Variants in NDUFA6 observed in about 807,000 individuals in gnomAD.
The protein encoded by NDUFA6 is NADH:ubiquinone oxidoreductase subunit A6, also known as NADH dehydrogenase [ubiquinone] 1 alpha subcomplex subunit 6.
A neutral mutation model predicts 12.5 loss-of-function variants in NDUFA6; 10 were observed. That is an observed-to-expected ratio of 0.80 (90% CI 0.49 to 1.35). The LOEUF (loss-of-function observed/expected upper bound fraction) is 1.35. Among genes scored for constraint, NDUFA6 ranks in the 40% most tolerant of loss-of-function variants. The pLI is 0.00. For missense variants in NDUFA6, 177 were observed against 173.5 expected (o/e 1.02, Z -0.11); for synonymous variants, 66 against 63.0 (o/e 1.05, Z -0.23).
At chr22:42,089,497 T>C (rs1000095851) in intron 1 of NDUFA6, 4 of 152,104 alleles carry the variant, frequency 2.6e-5, no homozygotes, top group Admixed American at 6.6e-5. Flanking sequence ...TAGCAATTTT[T>C]CCAAAAGTCA....
intron 1 of NDUFA6, among the ~76,000 whole-genome samples, chr22:42,088,902 G>A (rs1002778237): frequency 1.3e-5 from 2 of 151,836 alleles, no homozygotes; most frequent in Non-Finnish European, 2.9e-5. Context: ...CATAAAACCC[G>A]TGTGGCACAG....
intron 2 of NDUFA6, 112 bp from the exon 3 acceptor site, chr22:42,086,426 G>A: frequency 4.3e-6 from 6 of 1,405,586 alleles, no homozygotes; most frequent in Non-Finnish European, 6.0e-6. Flanking sequence ...ATGACCTTGG[G>A]CAAGTAACTA....
At chr22:42,087,262 C>A in intron 1 of NDUFA6, 87 bp from the exon 2 acceptor site, 1 of 1,036,050 alleles carries the variant, frequency 9.7e-7, no homozygotes, top group South Asian at 1.3e-5. Context: ...ACATACAGGT[C>A]GCCCATTCAT....
In NDUFA6 at chr22:42,086,312, T is replaced by A. The variant is rs1446002484; in HGVS notation, c.258A>T (p.Gly86=). 3 of 1,614,220 alleles carry A rather than the reference T, an allele frequency of 1.9e-6. No individual in the cohort carries two copies. Among genetic ancestry groups the A allele is most frequent in the Non-Finnish European group, 2.5e-6 (3 of 1,180,028 alleles). The change falls in exon 3 of 3, where the codon GGA becomes GGT. Residue 86 remains glycine, a splice_region_variant and synonymous_variant. Coordinates refer to ENST00000498737, the MANE Select transcript of NDUFA6 (RefSeq NM_002490.6). ...TAATTGTTTCTTCCAGTTCGATCTT[T>A]CCCTGAACAGTGAGGAGAGAGGTCA... The part of the protein sequence containing the change: ...PRVVDLLVIK[G]KIELEETIKV...
At chr22:42,087,698 A>G (rs1013752825) in intron 1 of NDUFA6, among the ~76,000 whole-genome samples, 1 of 151,894 alleles carries the variant, frequency 6.6e-6, no homozygotes, top group Non-Finnish European at 1.5e-5. Context: ...GCTACTCGGG[A>G]GGCTGAGGCA....
At chr22:42,087,293 C>G in intron 1 of NDUFA6, 118 bp from the exon 2 acceptor site, 1 of 783,826 alleles carries the variant, frequency 1.3e-6, no homozygotes, top group South Asian at 1.4e-5. Flanking sequence ...AAAAATTAGC[C>G]TGACCCTAGG....
Position 42,090,702 on chromosome 22 carries a change from T to C in NDUFA6, c.43A>G (p.Thr15Ala), listed in dbSNP as rs1329143059. Reference sequence around the variant, plus strand: ...CGACTGAAAATGGGCTTCACGAAGGTGCTGGCGGTAGAAGTAGCTTGGCGG... The same window carrying C: ...CGACTGAAAATGGGCTTCACGAAGGCGCTGGCGGTAGAAGTAGCTTGGCGG... ...GVRQATSTASTFVKPIFSRDM... is the reference protein window; with the variant it reads ...GVRQATSTASAFVKPIFSRDM... Residue 15 changes from threonine (T) to alanine (A), a missense_variant, in exon 1 of 3, where the codon ACC becomes GCC. This residue lies in a region of NDUFA6 where 111 missense variants were observed against 87.2 expected (regional missense o/e 1.27). Transcript: ENST00000498737. 2 of 1,614,102 alleles carry C rather than the reference T, an allele frequency of 1.2e-6. No individual in the cohort carries two copies. The highest frequency in any genetic ancestry group is 1.7e-5 in the Admixed American group (1 of 60,026).
rs745663105 is a variant in NDUFA6 at position 42,087,180 on chromosome 22, A to T, written c.140-5T>A. The T allele has an allele frequency of 6.3e-7, 1 of 1,590,954 alleles. No homozygotes were observed. The highest frequency in any genetic ancestry group is 1.7e-5 in the Admixed American group (1 of 59,986). On this transcript the variant is annotated splice_region_variant and splice_polypyrimidine_tract_variant and intron_variant, in intron 1 of 2. Coordinates refer to ENST00000498737, the MANE Select transcript of NDUFA6 (RefSeq NM_002490.6). ...TGTCCAGCTGGAATTGGTGCACTAG[A>T]GAGAAAAACATGACTCAGGGTAGAA...
intron 1 of NDUFA6, among the ~76,000 whole-genome samples, chr22:42,088,721 C>CAAA (rs59094967): frequency 1.8e-3 from 126 of 71,824 alleles, no homozygotes; most frequent in Middle Eastern, 0.014. Context: ...GACTCTGTCT[C>CAAA]AAAAAAAAAA....
At chr22:42,086,367 T>C in intron 2 of NDUFA6, 53 bp from the exon 3 acceptor site, 3 of 1,610,482 alleles carry the variant, frequency 1.9e-6, no homozygotes, top group East Asian at 2.2e-5. Context: ...TGAAGGCATA[T>C]GACACTGAAG....
At chr22:42,090,291 C>A (rs1459717398) in intron 1 of NDUFA6, among the ~76,000 whole-genome samples, 2 of 152,230 alleles carry the variant, frequency 1.3e-5, no homozygotes, top group Non-Finnish European at 2.9e-5. Context: ...CATCACTTCA[C>A]CTCTCGGTGC....
chr22:42,088,980 C>T (rs1238948474), intron 1 of NDUFA6, among the ~76,000 whole-genome samples: 1 of 151,906 alleles, frequency 6.6e-6, no homozygotes, highest in Non-Finnish European at 1.5e-5. Flanking sequence ...TTGACCCCTT[C>T]TTTTCTCTCC....
intron 1 of NDUFA6, among the ~76,000 whole-genome samples, chr22:42,088,606 C>T (rs112587582): frequency 7.5e-4 from 114 of 151,328 alleles, no homozygotes; most frequent in Admixed American, 1.4e-3. Flanking sequence ...ATAATCCCAG[C>T]TACTCGGGAG....
At chr22:42,090,360 T>C (rs900190091) in intron 1 of NDUFA6, among the ~76,000 whole-genome samples, 2 of 152,178 alleles carry the variant, frequency 1.3e-5, no homozygotes, top group African/African-American at 4.8e-5. Flanking sequence ...CTCCCGCCAA[T>C]TGCGAAGGAC....
chr22:42,085,875 A>G lies in NDUFA6; in HGVS notation c.*308T>C. The G allele has an allele frequency of 2.1e-6, 1 of 475,340 alleles. No individual in the cohort carries two copies. The allele number at this position is 475,340 out of a possible 1,614,324, so 29.4% of individuals were successfully genotyped here. A position where few individuals can be genotyped will look rare whatever the true frequency, so the allele number is the denominator to read the frequency against. On this transcript the variant is annotated 3_prime_UTR_variant, in exon 3 of 3. Transcript: ENST00000498737. ...GTCTAATCATAGGGGCTATAGAAAC[A>G]ACTACATTAACAAGTCGTCCAGCCT...
intron 2 of NDUFA6, 72 bp downstream of exon 2, chr22:42,086,988 T>A: frequency 6.6e-6 from 7 of 1,065,352 alleles, no homozygotes; most frequent in African/African-American, 1.6e-5. Flanking sequence ...AGACAAAATG[T>A]TCATTTGGAA....
Position 42,086,958 on chromosome 22 carries a change from T to C in NDUFA6, c.255+102A>G, listed in dbSNP as rs776993499. The C allele has an allele frequency of 8.2e-6, 7 of 852,398 alleles. No individual in the cohort carries two copies. In the African/African-American group the frequency reaches 1.0e-4, roughly 12 times the overall value. 52.8% of individuals were successfully genotyped at this position (852,398 alleles called of 1,614,324 possible). ...ACAGCAATAATCACTGCCGAACCAG[T>C]AGCTGCTTTCTAAACTTGGAGACAA... On this transcript the variant is annotated intron_variant, in intron 2 of 2. Coordinates refer to ENST00000498737, the MANE Select transcript of NDUFA6 (RefSeq NM_002490.6).
intron 1 of NDUFA6, among the ~76,000 whole-genome samples, chr22:42,087,572 G>A (rs796575883): frequency 2.0e-5 from 3 of 152,098 alleles, no homozygotes; most frequent in African/African-American, 7.2e-5. Context: ...GGAGGCCGAG[G>A]TGGGCGGATC....
At chr22:42,088,721 CAAAA>C (rs59094967) in intron 1 of NDUFA6, among the ~76,000 whole-genome samples, 3 of 71,928 alleles carry the variant, frequency 4.2e-5, no homozygotes, top group Admixed American at 1.5e-4. Context: ...GACTCTGTCT[CAAAA>C]AAAAAAAAAA....
Sources: gnomAD v4.1 joint callset for allele counts (sites outside exome capture counted in the v4.1 genomes callset) on GRCh38, gnomAD v4.1.1 for gene constraint, gnomAD v4.1.1 regional missense constraint, MANE v1.5 for transcripts, NCBI Gene and HGNC (gene_info 2026-07-23, HGNC 2026-07-21) for gene names.